SUGP2: variants seen among roughly 807,000 people sequenced by gnomAD.
The protein encoded by SUGP2 is SURP and G-patch domain-containing protein 2.
SUGP2 carries 24 observed loss-of-function variants against 90.5 expected under a neutral mutation model. The ratio of observed to expected loss-of-function variants is 0.27; its 90% CI spans 0.19 to 0.37. The LOEUF is 0.37. Ranked by LOEUF, SUGP2 falls within the 10% of genes least tolerant of loss-of-function variation. SUGP2 has a pLI of 1.00. For synonymous variants in SUGP2, 473 were observed against 513.4 expected (o/e 0.92, Z 1.06); for missense variants, 1,233 against 1,363.3 (o/e 0.90, Z 1.51).
intron 9 of SUGP2, 60 bp from the exon 10 acceptor site, chr19:18,994,546 A>T: frequency 6.3e-7 from 1 of 1,597,256 alleles, no homozygotes. Context: ...CATGCCAGGA[A>T]CTGGGCATGG....
chr19:18,997,131 C>T (rs776156382), intron 8 of SUGP2, among the ~76,000 whole-genome samples: 38 of 152,040 alleles, frequency 2.5e-4, no homozygotes, highest in Non-Finnish European at 4.9e-4. Flanking sequence ...GCAGGCCTCA[C>T]GAGGTATAAT....
intron 4 of SUGP2, among the ~76,000 whole-genome samples, chr19:19,011,558 T>A (rs2058313697): frequency 6.6e-6 from 1 of 152,240 alleles, no homozygotes; most frequent in Non-Finnish European, 1.5e-5. Flanking sequence ...GCTTCTAATT[T>A]CAGCTATGAT....
chr19:19,013,468 A>T (rs910463678), intron 4 of SUGP2, among the ~76,000 whole-genome samples: 1 of 152,124 alleles, frequency 6.6e-6, no homozygotes, highest in African/African-American at 2.4e-5. Flanking sequence ...CTGTTCCTTT[A>T]ATGGCTAATC....
At chr19:18,998,327 C>T (rs1018889020) in intron 8 of SUGP2, among the ~76,000 whole-genome samples, 8 of 152,222 alleles carry the variant, frequency 5.3e-5, no homozygotes, top group Admixed American at 1.3e-4. Context: ...TGCTCTGTCA[C>T]CCAGGCTGGA....
chr19:19,016,578 T>C (rs1381416328), intron 4 of SUGP2, among the ~76,000 whole-genome samples: 1 of 152,130 alleles, frequency 6.6e-6, no homozygotes, highest in Non-Finnish European at 1.5e-5. Context: ...CATCTGTCAA[T>C]CTGACAATCC....
chr19:19,013,358 AG>A (rs1398385182), intron 4 of SUGP2, among the ~76,000 whole-genome samples: 1 of 152,122 alleles, frequency 6.6e-6, no homozygotes, highest in Non-Finnish European at 1.5e-5. Flanking sequence ...TCTTTTTGGT[AG>A]CGTTCACCTG....
At chr19:19,012,248 G>A (rs1568419493) in intron 4 of SUGP2, among the ~76,000 whole-genome samples, 1 of 152,144 alleles carries the variant, frequency 6.6e-6, no homozygotes, top group Non-Finnish European at 1.5e-5. Flanking sequence ...AAGCAATAGC[G>A]CTCAATTAAG....
At chr19:19,013,132 G>T (rs563719810) in intron 4 of SUGP2, among the ~76,000 whole-genome samples, 1 of 152,298 alleles carries the variant, frequency 6.6e-6, no homozygotes, top group East Asian at 1.9e-4. Flanking sequence ...CTCCCAAAGT[G>T]CTGGGATTAC....
chr19:19,008,631 C>T lies in SUGP2; in HGVS notation c.2339-203G>A, dbSNP rs370502953. Among the ~76,000 whole-genome samples, 62 of 152,314 alleles carry T rather than the reference C, an allele frequency of 4.1e-4. No individual in the cohort carries two copies. In the South Asian group the frequency reaches 0.013, roughly 32 times the overall value. On this transcript the variant is annotated intron_variant, in intron 5 of 10. Transcript: ENST00000452918. ...TTGAATCAGGGCTGGTCCTGGGACT[C>T]ACATCAGCTATAGAATGTGGTGGAA...
intron 8 of SUGP2, among the ~76,000 whole-genome samples, chr19:19,000,681 C>T (rs996022252): frequency 3.3e-5 from 5 of 151,550 alleles, no homozygotes; most frequent in African/African-American, 7.3e-5. Context: ...GGATTACAGG[C>T]GTGAATCAGT....
chr19:19,025,904 A>G lies in SUGP2; in HGVS notation c.444T>C (p.Phe148=). Residue 148 remains phenylalanine, a synonymous_variant, in exon 3 of 11, where the codon TTT becomes TTC. Coordinates refer to ENST00000452918, the MANE Select transcript of SUGP2 (RefSeq NM_001017392.5). ...AGGACTCTTGAGAAACTGGATGGCCAAAGTCTTGTTCCCAAGAACCACGGA... is the reference window on the plus strand; with the variant it reads ...AGGACTCTTGAGAAACTGGATGGCCGAAGTCTTGTTCCCAAGAACCACGGA... The part of the protein sequence containing the change: ...FALRGSWEQD[F]GHPVSQESSW... The G allele has an allele frequency of 6.2e-7, 1 of 1,614,214 alleles. No individual in the cohort carries two copies. Among genetic ancestry groups the G allele is most frequent in the Admixed American group, 1.7e-5 (1 of 60,020 alleles).
chr19:19,002,446 T>C (rs904979793), intron 7 of SUGP2, among the ~76,000 whole-genome samples: 1 of 150,396 alleles, frequency 6.6e-6, no homozygotes, highest in Non-Finnish European at 1.5e-5. Context: ...GCTTCTCATA[T>C]AGAGAACCAC....
chr19:19,011,256 T>C (rs934456501), intron 4 of SUGP2, among the ~76,000 whole-genome samples: 1 of 149,506 alleles, frequency 6.7e-6, no homozygotes, highest in African/African-American at 2.5e-5. Flanking sequence ...CAGGTGATCC[T>C]CCCACCTCAG....
Position 19,004,309 on chromosome 19 carries a change from C to T in SUGP2, c.2788G>A (p.Glu930Lys), listed in dbSNP as rs775968466. 19 of 1,613,612 alleles carry T rather than the reference C, an allele frequency of 1.2e-5. No homozygotes were observed. Among genetic ancestry groups the T allele is most frequent in the African/African-American group, 2.7e-5 (2 of 74,946 alleles). The change falls in exon 7 of 11, where the codon GAG (glutamate) becomes AAG (lysine). Residue 930 changes from glutamate to lysine, a missense_variant. Physicochemically the swap from Glu to Lys is moderately conservative, Grantham distance 56 (BLOSUM62 1). Transcript: ENST00000452918. The stretch of plus-strand genomic sequence containing the variant: ...GCAGGTGCTCCAGCCAGGTCGTCCT[C>T]GGCAGCCTCGCCGGGAAGGCCGTCG... ...PADGLPGEAA[E>K]DDLAGAPALS...
intron 4 of SUGP2, among the ~76,000 whole-genome samples, chr19:19,011,271 C>T (rs2145499812): frequency 6.6e-6 from 1 of 151,980 alleles, no homozygotes; most frequent in South Asian, 2.1e-4. Flanking sequence ...CCTCAGCCTC[C>T]CCAGTAGCTG....
At chr19:19,005,670 A>G (rs940627072) in intron 6 of SUGP2, among the ~76,000 whole-genome samples, 1 of 152,104 alleles carries the variant, frequency 6.6e-6, no homozygotes, top group African/African-American at 2.4e-5. Flanking sequence ...GGACGGCTTT[A>G]TAATTATTAT....
intron 4 of SUGP2, among the ~76,000 whole-genome samples, chr19:19,014,018 T>C (rs1488359075): frequency 1.3e-5 from 2 of 152,072 alleles, no homozygotes; most frequent in Non-Finnish European, 2.9e-5. Flanking sequence ...TTTGAGACGG[T>C]GTTTTGCTCT....
intron 4 of SUGP2, among the ~76,000 whole-genome samples, chr19:19,012,433 G>A (rs1045930507): frequency 2.6e-5 from 4 of 152,132 alleles, no homozygotes; most frequent in Non-Finnish European, 4.4e-5. Context: ...AGTGCAGTCC[G>A]AGGATGTCAG....
chr19:19,005,889 ACAC>A (rs772030210), intron 6 of SUGP2, among the ~76,000 whole-genome samples: 2,221 of 15,252 alleles, frequency 0.15, 37 homozygotes, highest in African/African-American at 0.34. Flanking sequence ...ACACACACAC[ACAC>A]CACACACACA....
Sources: gnomAD v4.1 joint callset for allele counts (sites outside exome capture counted in the v4.1 genomes callset) on GRCh38, gnomAD v4.1.1 for gene constraint, MANE v1.5 for transcripts, NCBI Gene and HGNC (gene_info 2026-07-23, HGNC 2026-07-21) for gene names.